SLIT1: variants seen among roughly 807,000 people sequenced by gnomAD.
SLIT1 encodes the protein slit homolog 1 protein.
In SLIT1, 66 loss-of-function variants were observed where a neutral mutation model predicts 186.1. The ratio of observed to expected loss-of-function variants is 0.35; its 90% confidence interval spans 0.29 to 0.44. The LOEUF is 0.44. SLIT1 is among the 20% of genes least tolerant of loss of function. The pLI, the probability that SLIT1 is intolerant of heterozygous loss-of-function variation, is 1.00. For missense variants in SLIT1, 1,638 were observed against 2,037.4 expected (o/e 0.80, Z 3.77); for synonymous variants, 761 against 833.8 (o/e 0.91, Z 1.50).
intron 4 of SLIT1, among the ~76,000 whole-genome samples, chr10:97,076,977 A>G (rs1849051848): frequency 6.6e-6 from 1 of 152,186 alleles, no homozygotes; most frequent in South Asian, 2.1e-4. Flanking sequence ...GTGAAAATAC[A>G]GGACGGAACC....
chr10:97,071,002 G>C (rs974904617), intron 4 of SLIT1, among the ~76,000 whole-genome samples: 1 of 152,136 alleles, frequency 6.6e-6, no homozygotes, highest in Non-Finnish European at 1.5e-5. Flanking sequence ...TGGAGACAGG[G>C]TCTCATTTTG....
intron 4 of SLIT1, among the ~76,000 whole-genome samples, chr10:97,118,379 C>A (rs1483724457): frequency 6.6e-6 from 1 of 152,186 alleles, no homozygotes; most frequent in Non-Finnish European, 1.5e-5. Context: ...CGCAGCAGGA[C>A]TTGGGGCACT....
intron 29 of SLIT1, 71 bp from the exon 30 acceptor site, chr10:97,013,905 A>G: frequency 1.3e-6 from 2 of 1,546,344 alleles, no homozygotes; most frequent in Non-Finnish European, 1.8e-6. Flanking sequence ...CCAGACCCAC[A>G]GAAATCCTCC....
intron 10 of SLIT1, among the ~76,000 whole-genome samples, 184 bp downstream of exon 10, chr10:97,059,903 G>A (rs954163807): frequency 1.3e-5 from 2 of 152,172 alleles, no homozygotes; most frequent in East Asian, 1.9e-4. Context: ...CAGGCCTCAC[G>A]ATAGCCCTGC....
Position 97,001,240 on chromosome 10 carries a change from G to A in SLIT1, c.4477C>T (p.Pro1493Ser), listed in dbSNP as rs761783385. The change falls in exon 37 of 37, where the codon CCA (proline) becomes TCA (serine). Residue 1493 changes from proline (P) to serine (S), a missense_variant. Physicochemically the swap from Pro to Ser is moderately conservative, Grantham distance 74. Around this residue, in one of 3 missense-constraint regions of SLIT1, gnomAD observed 220 missense variants for 211.3 expected, o/e 1.04. Transcript: ENST00000266058. The part of the protein sequence containing the change: ...LSWVECRGSC[P>S]GQGCCQGLRL... ...AGGCCCTGGCAGCAGCCCTGGCCTG[G>A]GCACGAGCCCCGGCACTCCACCCAT... The A allele has an allele frequency of 6.2e-6, 10 of 1,613,196 alleles. No homozygotes were observed. The highest frequency in any genetic ancestry group is 8.5e-6 in the Non-Finnish European group (10 of 1,179,948).
intron 21 of SLIT1, among the ~76,000 whole-genome samples, chr10:97,038,958 T>C (rs951677844): frequency 6.6e-6 from 1 of 152,170 alleles, no homozygotes; most frequent in Non-Finnish European, 1.5e-5. Flanking sequence ...CATCCCATTA[T>C]TCTCAGGGCT....
At chr10:97,172,048 C>T (rs1564694419) in intron 1 of SLIT1, among the ~76,000 whole-genome samples, 1 of 145,690 alleles carries the variant, frequency 6.9e-6, no homozygotes, top group Non-Finnish European at 1.5e-5. Flanking sequence ...ATTTATATTG[C>T]TTTTTTTTTT....
chr10:97,143,132 G>A (rs181988361), intron 4 of SLIT1, among the ~76,000 whole-genome samples: 1 of 152,318 alleles, frequency 6.6e-6, no homozygotes, highest in Non-Finnish European at 1.5e-5. Flanking sequence ...CACTCTGGGT[G>A]TATATCCAAA....
chr10:97,106,402 A>ATGAG (rs1199138920), intron 4 of SLIT1, among the ~76,000 whole-genome samples: 1 of 141,764 alleles, frequency 7.1e-6, no homozygotes, highest in Non-Finnish European at 1.5e-5. Flanking sequence ...GAATGAATGA[A>ATGAG]TGAACGAATG....
chr10:97,134,577 G>A (rs1374949363), intron 4 of SLIT1, among the ~76,000 whole-genome samples: 4 of 152,180 alleles, frequency 2.6e-5, no homozygotes, highest in Non-Finnish European at 4.4e-5. Context: ...CCACCTGGGT[G>A]CTGTGAGCGC....
chr10:97,113,184 G>A (rs2134681141), intron 4 of SLIT1, among the ~76,000 whole-genome samples: 1 of 152,238 alleles, frequency 6.6e-6, no homozygotes, highest in South Asian at 2.1e-4. Flanking sequence ...ACAGCCTCTT[G>A]CAACGTCAAA....
intron 30 of SLIT1, among the ~76,000 whole-genome samples, chr10:97,011,750 C>T (rs1848412616): frequency 1.3e-5 from 2 of 152,104 alleles, no homozygotes; most frequent in South Asian, 4.2e-4. Flanking sequence ...CTAGTAATGG[C>T]CTTGCTGTCT....
At position 97,047,964 on chromosome 10, in the gene SLIT1, C is replaced by G. The variant is rs1401926782; in HGVS notation, c.1489+9G>C. 2 of 1,614,044 alleles carry G rather than the reference C, an allele frequency of 1.2e-6. No individual in the cohort carries two copies. Among genetic ancestry groups the G allele is most frequent in the African/African-American group, 1.3e-5 (1 of 74,918 alleles). On this transcript the variant is annotated intron_variant, in intron 15 of 36. Transcript: ENST00000266058. ...GCCAGGCTGGCCTTGGATCCCCCCA[C>G]TCTCCTACCTGGAATGAAGTACTGC...
chr10:97,018,490 G>A (rs1209029912), intron 28 of SLIT1, 96 bp downstream of exon 28: 1 of 725,566 alleles, frequency 1.4e-6, no homozygotes, highest in Non-Finnish European at 2.3e-6. Context: ...CAGGGCACAG[G>A]AGGCCTGGGC....
At chr10:97,075,168 C>T (rs997937306) in intron 4 of SLIT1, among the ~76,000 whole-genome samples, 7 of 152,202 alleles carry the variant, frequency 4.6e-5, no homozygotes, top group African/African-American at 1.7e-4. Flanking sequence ...TGAACCAGGG[C>T]ACCCCAAGGG....
At chr10:97,147,486 G>T (rs1849830594) in intron 4 of SLIT1, among the ~76,000 whole-genome samples, 1 of 152,164 alleles carries the variant, frequency 6.6e-6, no homozygotes, top group Admixed American at 6.5e-5. Context: ...GGGCACTGGG[G>T]AGGCAACAAC....
chr10:97,015,084 G>T (rs1428789189), intron 28 of SLIT1, among the ~76,000 whole-genome samples: 1 of 151,936 alleles, frequency 6.6e-6, no homozygotes, highest in Non-Finnish European at 1.5e-5. Context: ...GTGTGGATCA[G>T]AGAGAGGTCC....
intron 4 of SLIT1, among the ~76,000 whole-genome samples, chr10:97,088,545 C>T (rs745392276): frequency 4.6e-5 from 7 of 152,138 alleles, no homozygotes; most frequent in Non-Finnish European, 7.3e-5. Context: ...CTTTGCTGGT[C>T]GCCCTGGATT....
chr10:97,035,024 C>T (rs978580176), intron 22 of SLIT1, among the ~76,000 whole-genome samples: 1 of 152,162 alleles, frequency 6.6e-6, no homozygotes, highest in Non-Finnish European at 1.5e-5. Flanking sequence ...ACCAGCTGGT[C>T]GGAGGCAGAG....
Sources: allele counts gnomAD v4.1 joint callset (sites outside exome capture counted in the v4.1 genomes callset), GRCh38; gene constraint gnomAD v4.1.1; regional missense constraint gnomAD v4.1.1; transcripts MANE v1.5; gene names NCBI Gene and HGNC (gene_info 2026-07-23, HGNC 2026-07-21).